The following MAP3K19 variants were observed in gnomAD, a reference collection of about 807,000 sequenced individuals.
The protein encoded by MAP3K19 is mitogen-activated protein kinase kinase kinase 19.
A neutral mutation model predicts 114.4 loss-of-function variants in MAP3K19; 91 were observed. That is an observed-to-expected ratio of 0.80 (90% CI 0.67 to 0.95). The LOEUF (loss-of-function observed/expected upper bound fraction) is 0.95, where lower values mean the gene tolerates loss of function less well. Ranked by LOEUF, MAP3K19 falls within the 40% of genes least tolerant of loss-of-function variation. The pLI is 0.00. For missense variants in MAP3K19, 1,471 were observed against 1,573.2 expected (o/e 0.94, Z 1.10); for synonymous variants, 518 against 530.5 (o/e 0.98, Z 0.32).
chr2:134,976,006 G>A (rs910797685), intron 12 of MAP3K19, among the ~76,000 whole-genome samples: 6 of 152,186 alleles, frequency 3.9e-5, no homozygotes, highest in African/African-American at 1.2e-4. Flanking sequence ...CAGCCTCCCT[G>A]GTGCGCTGCA....
Position 134,987,544 on chromosome 2 carries a change from A to G in MAP3K19, c.1328T>C (p.Leu443Ser). The G allele has an allele frequency of 1.2e-6, 2 of 1,614,198 alleles. No homozygotes were observed. Among genetic ancestry groups the G allele is most frequent in the Non-Finnish European group, 1.7e-6 (2 of 1,180,040 alleles). ...GGGGTCATCAAAGACTACACTGGAT[A>G]AGCTTTTAAGTACAGTACACTCTTC... Reference protein sequence around the residue: ...ILEECTVLKSLSSVVFDDPID... With the variant: ...ILEECTVLKSSSSVVFDDPID... Residue 443 changes from leucine (L) to serine (S), a missense_variant, in exon 10 of 13, where the codon TTA becomes TCA. Leu to Ser is a moderately radical substitution (Grantham distance 145). Transcript: ENST00000392915.
Position 134,987,707 on chromosome 2 carries a change from T to C in MAP3K19, c.1165A>G (p.Thr389Ala). 4 of 1,612,718 alleles carry C rather than the reference T, an allele frequency of 2.5e-6. No homozygotes were observed. Among genetic ancestry groups the C allele is most frequent in the Non-Finnish European group, 3.4e-6 (4 of 1,180,028 alleles). Residue 389 changes from threonine to alanine, a missense_variant, in exon 10 of 13, where the codon ACC (threonine) becomes GCC (alanine). By Grantham distance (58) the Thr-to-Ala change is moderately conservative. Transcript: ENST00000392915. ...NYEQDPEIVC[T>A]IPSKFQETQH... is the part of the protein sequence containing the mutation. Reference sequence around the variant, plus strand: ...GTTTCTTGGAACTTGCTTGGAATGGTACATACTATTTCTGGATCTTGTTCA... The same window carrying C: ...GTTTCTTGGAACTTGCTTGGAATGGCACATACTATTTCTGGATCTTGTTCA...
Position 135,000,073 on chromosome 2 carries a change from G to A in MAP3K19, c.236-58C>T, listed in dbSNP as rs143698227. 5.4e-4 allele frequency: 611 copies of A among 1,139,312 alleles called. 2 individuals carry two copies. The highest frequency in any genetic ancestry group is 9.6e-4 in the South Asian group (77 of 80,106). 70.6% of individuals were successfully genotyped at this position (1,139,312 alleles called of 1,614,324 possible). On this transcript the variant is annotated intron_variant, in intron 6 of 12. Transcript: ENST00000392915. ...AAAGTAATGAATTCCAGCGGAAAGC[G>A]GGAGACGTACTTTATTTCTGTTTGG...
chr2:134,986,556 T>C lies in MAP3K19; in HGVS notation c.2316A>G (p.Ser772=), dbSNP rs773795980. The C allele has an allele frequency of 6.2e-7, 1 of 1,614,186 alleles. No individual in the cohort carries two copies. Among genetic ancestry groups the C allele is most frequent in the Non-Finnish European group, 8.5e-7 (1 of 1,180,024 alleles). The change falls in exon 10 of 13, where the codon TCA becomes TCG. Residue 772 remains serine (S), a synonymous_variant. Transcript: ENST00000392915. ...CTTTGGAAGATAGAAACTCATTTCC[T>C]GAAGACTTTATCTGCCAGTCTGGTT... is the stretch of plus-strand genomic sequence containing the variant. ...ISEPDWQIKS[S]GNEFLSSKDE...
chr2:134,983,579 G>T, intron 11 of MAP3K19, 97 bp downstream of exon 11: 1 of 836,560 alleles, frequency 1.2e-6, no homozygotes, highest in Non-Finnish European at 1.8e-6. Context: ...GTGCTTGCCA[G>T]AGGAAGCAGG....
At position 134,964,798 on chromosome 2, in the gene MAP3K19, T is replaced by C; in HGVS notation, c.*52A>G. On this transcript the variant is annotated 3_prime_UTR_variant, in exon 13 of 13. Transcript: ENST00000392915. Reference sequence around the variant, plus strand: ...ATCCCTTAGCCATCATTCCCCACAATTAAGCAAGGGAGCATCTGCAGTGGA... The same window carrying C: ...ATCCCTTAGCCATCATTCCCCACAACTAAGCAAGGGAGCATCTGCAGTGGA... 7.0e-7 allele frequency: 1 copy of C among 1,421,722 alleles called. No individual in the cohort carries two copies. The highest frequency in any genetic ancestry group is 9.9e-7 in the Non-Finnish European group (1 of 1,010,544). The allele number at this position is 1,421,722 out of a possible 1,614,324, so 88.1% of individuals were successfully genotyped here.
At position 135,044,474 on chromosome 2, in the gene MAP3K19, A is replaced by G. The variant is rs181349816; in HGVS notation, c.-424+2711T>C. On this transcript the variant is annotated intron_variant, in intron 1 of 12. Transcript: ENST00000392915. ...GCATGGTGGTGCATGCCTGTAATAC[A>G]AGCTACTTGGGAGGCTGAGGCAGGA... is the stretch of plus-strand genomic sequence containing the variant. 3.8e-4 allele frequency among the ~76,000 whole-genome samples: 58 copies of G among 152,218 alleles called. No individual in the cohort carries two copies. In the East Asian group the frequency reaches 0.011, roughly 28 times the overall value.
intron 8 of MAP3K19, among the ~76,000 whole-genome samples, chr2:134,998,369 A>T (rs2105287533): frequency 6.6e-6 from 1 of 152,382 alleles, no homozygotes; most frequent in Non-Finnish European, 1.5e-5. Flanking sequence ...TAGGATATTG[A>T]TACTGAAATT....
Position 134,987,364 on chromosome 2 carries a change from G to C in MAP3K19, c.1508C>G (p.Pro503Arg). Residue 503 changes from proline (P) to arginine (R), a missense_variant, in exon 10 of 13, where the codon CCA becomes CGA. Coordinates refer to ENST00000392915, the MANE Select transcript of MAP3K19 (RefSeq NM_025052.5). ...GSPKEPVIAK[P>R]SLQTRKGTIH... ...GGTTCCCTTTCTTGTTTGGAGGCTT[G>C]GTTTGGCTATCACTGGTTCCTTGGG... The C allele has an allele frequency of 1.9e-6, 3 of 1,614,116 alleles. No homozygotes were observed. Among genetic ancestry groups the C allele is most frequent in the Non-Finnish European group, 2.5e-6 (3 of 1,180,030 alleles).
chr2:135,042,267 C>T (rs2104800476), intron 1 of MAP3K19, among the ~76,000 whole-genome samples: 1 of 152,182 alleles, frequency 6.6e-6, no homozygotes, highest in East Asian at 1.9e-4. Context: ...CTTTGGGAGG[C>T]CGAGGCGGGC....
chr2:135,005,309 C>T, intron 6 of MAP3K19, 126 bp downstream of exon 6: 1 of 688,412 alleles, frequency 1.5e-6, no homozygotes, highest in South Asian at 1.8e-5. Flanking sequence ...TCCTCCACTC[C>T]CTCTACCCTC....
At chr2:135,012,961 T>G (rs1196943797) in intron 5 of MAP3K19, among the ~76,000 whole-genome samples, 1 of 149,380 alleles carries the variant, frequency 6.7e-6, no homozygotes, top group Non-Finnish European at 1.5e-5. Flanking sequence ...GTTTGTTTGT[T>G]TGTTTGTATG....
chr2:134,969,217 C>T lies in MAP3K19; in HGVS notation c.3921-4301G>A, dbSNP rs560128978. Among the ~76,000 whole-genome samples the T allele has an allele frequency of 1.1e-4, 16 of 152,190 alleles. No homozygotes were observed. The South Asian group carries it at 2.9e-3, about 28-fold the overall frequency. On this transcript the variant is annotated intron_variant, in intron 12 of 12. Transcript: ENST00000392915. ...AAATACGAAAACCAGTCAGGTGTGGCGGCGCGTGCCTGTAATCGCAGGCAC... is the reference window on the plus strand; with the variant it reads ...AAATACGAAAACCAGTCAGGTGTGGTGGCGCGTGCCTGTAATCGCAGGCAC...
chr2:134,982,231 G>A (rs1283690448), intron 11 of MAP3K19, among the ~76,000 whole-genome samples: 1 of 144,786 alleles, frequency 6.9e-6, no homozygotes, highest in African/African-American at 2.6e-5. Context: ...CGATCCTCCT[G>A]CCTCAGTGTC....
Position 135,024,744 on chromosome 2 carries a change from A to C in MAP3K19, c.-94-3T>G. 9.7e-7 allele frequency: 1 copy of C among 1,032,770 alleles called. No homozygotes were observed. The highest frequency in any genetic ancestry group is 1.5e-6 in the Non-Finnish European group (1 of 670,888). 64.0% of individuals were successfully genotyped at this position (1,032,770 alleles called of 1,614,324 possible). Reference sequence around the variant, plus strand: ...TAAAATCACAAAGTTTAGGATCTCTAGGAAGAACAGAATCAACATTAAAGT... The same window carrying C: ...TAAAATCACAAAGTTTAGGATCTCTCGGAAGAACAGAATCAACATTAAAGT... On this transcript the variant is annotated splice_region_variant and splice_polypyrimidine_tract_variant and intron_variant, in intron 3 of 12. Coordinates refer to ENST00000392915, the MANE Select transcript of MAP3K19 (RefSeq NM_025052.5).
Position 134,964,885 on chromosome 2 carries a change from G to C in MAP3K19, c.3952C>G (p.Leu1318Val). The change falls in exon 13 of 13, where the codon CTC (leucine) becomes GTC (valine). Residue 1318 changes from leucine (L) to valine (V), a missense_variant. Coordinates refer to ENST00000392915, the MANE Select transcript of MAP3K19 (RefSeq NM_025052.5). The stretch of plus-strand genomic sequence containing the variant: ...CTCTCCAAGAAGGAGTGCTTCAGGA[G>C]CTGGAGAGCAGAAGGTCGCTCATGC... ...DQHERPSALQ[L>V]LKHSFLERSH is the part of the protein sequence containing the mutation. 2 of 1,613,134 alleles carry C rather than the reference G, an allele frequency of 1.2e-6. No individual in the cohort carries two copies. Among genetic ancestry groups the C allele is most frequent in the South Asian group, 1.1e-5 (1 of 90,858 alleles).
At chr2:135,005,205 G>C (rs959199970) in intron 6 of MAP3K19, among the ~76,000 whole-genome samples, 3 of 152,050 alleles carry the variant, frequency 2.0e-5, no homozygotes, top group Admixed American at 6.5e-5. Flanking sequence ...TTGTTCCATA[G>C]GTAAACATGT....
At chr2:135,000,264 C>A (rs2105295699) in intron 6 of MAP3K19, among the ~76,000 whole-genome samples, 1 of 152,256 alleles carries the variant, frequency 6.6e-6, no homozygotes, top group Admixed American at 6.5e-5. Context: ...AGTTTTATAA[C>A]AAACTATGTT....
At chr2:135,037,985 A>C (rs1688568075) in intron 2 of MAP3K19, among the ~76,000 whole-genome samples, 1 of 152,216 alleles carries the variant, frequency 6.6e-6, no homozygotes, top group Non-Finnish European at 1.5e-5. Flanking sequence ...CTAACTCATT[A>C]GCTGCGAGTA....
Sources: gnomAD v4.1 joint callset for allele counts (sites outside exome capture counted in the v4.1 genomes callset) on GRCh38, gnomAD v4.1.1 for gene constraint, MANE v1.5 for transcripts, NCBI Gene and HGNC (gene_info 2026-07-23, HGNC 2026-07-21) for gene names.